The following A1CF variants were observed in gnomAD, a reference collection of about 807,000 sequenced individuals.
The protein encoded by A1CF is APOBEC1 complementation factor.
In A1CF, 48 loss-of-function variants were observed where a neutral mutation model predicts 68.9. That is an observed-to-expected ratio of 0.70 (90% confidence interval 0.55 to 0.89). The LOEUF is 0.89. Among genes scored for constraint, A1CF ranks in the 40% least tolerant of loss-of-function variants. The pLI, the probability that A1CF is intolerant of heterozygous loss-of-function variation, is 0.00. For missense variants in A1CF, 653 were observed against 718.9 expected, an observed-to-expected ratio of 0.91 and a Z score of 1.05; for synonymous variants, 272 against 260.4, an observed-to-expected ratio of 1.04 and a Z score of -0.43.
intron 6 of A1CF, among the ~76,000 whole-genome samples, chr10:50,832,227 G>A (rs141642034): frequency 6.6e-6 from 1 of 152,134 alleles, no homozygotes; most frequent in Non-Finnish European, 1.5e-5. Context: ...AGTTAAAGTC[G>A]CATTGGTAGC....
chr10:50,865,673 G>T (rs2132553406), intron 1 of A1CF, among the ~76,000 whole-genome samples: 1 of 152,180 alleles, frequency 6.6e-6, no homozygotes, highest in South Asian at 2.1e-4. Context: ...TCTCTGCTTG[G>T]AATCTCTTTT....
intron 7 of A1CF, chr10:50,824,577 A>T (rs1838831233): frequency 6.6e-6 from 1 of 152,076 alleles, no homozygotes; most frequent in Non-Finnish European, 1.5e-5. Flanking sequence ...TCAAAGCTGT[A>T]TTTTTCTGGA....
At chr10:50,860,088 C>A in intron 2 of A1CF, 103 bp from the exon 3 acceptor site, 1 of 626,534 alleles carries the variant, frequency 1.6e-6, no homozygotes, top group Non-Finnish European at 2.8e-6. Context: ...GTAAATGCGT[C>A]ATTAAAGTTA....
intron 2 of A1CF, among the ~76,000 whole-genome samples, chr10:50,863,408 T>G (rs1840836995): frequency 6.6e-6 from 1 of 152,200 alleles, no homozygotes; most frequent in African/African-American, 2.4e-5. Context: ...AAAGAATAGT[T>G]CTTAAAGTAT....
chr10:50,864,386 G>A (rs903486827), intron 1 of A1CF, among the ~76,000 whole-genome samples: 1 of 152,124 alleles, frequency 6.6e-6, no homozygotes, highest in African/African-American at 2.4e-5. Context: ...ACTCCTCCTT[G>A]TATAATTTCC....
intron 5 of A1CF, among the ~76,000 whole-genome samples, chr10:50,840,524 A>G (rs1376331831): frequency 1.3e-5 from 2 of 152,224 alleles, no homozygotes; most frequent in Non-Finnish European, 2.9e-5. Context: ...CCTTTAAGAA[A>G]GAATTTATGA....
chr10:50,822,506 C>T (rs904016444), intron 7 of A1CF, among the ~76,000 whole-genome samples: 5 of 152,132 alleles, frequency 3.3e-5, no homozygotes, highest in African/African-American at 1.2e-4. Context: ...CCACGTGGTT[C>T]AATGACTAAG....
In A1CF at chr10:50,836,185, C is replaced by T. The variant is rs373946729; in HGVS notation, c.493G>A (p.Asp165Asn). 18 of 1,613,852 alleles carry T rather than the reference C, an allele frequency of 1.1e-5. No homozygotes were observed. The highest frequency in any genetic ancestry group is 6.7e-5 in the African/African-American group (5 of 74,916). ...GCAGCGCTTGGGTAGACGATGACAT[C>T]GACAACACCTTCAGTAACCTTTTTC... The part of the protein sequence containing the change: ...EMKKVTEGVV[D>N]VIVYPSAADK... The change falls in exon 6 of 13, where the codon GAT (aspartate) becomes AAT (asparagine). Residue 165 changes from aspartate (D) to asparagine (N), a missense_variant. By Grantham distance (23) the Asp-to-Asn change is conservative (BLOSUM62 1). Coordinates refer to ENST00000373997, the MANE Select transcript of A1CF (RefSeq NM_014576.4).
chr10:50,818,404 C>G (rs1588973307), intron 8 of A1CF, among the ~76,000 whole-genome samples: 1 of 151,694 alleles, frequency 6.6e-6, no homozygotes. Flanking sequence ...ACATTATAGT[C>G]AAATATAATA....
intron 1 of A1CF, among the ~76,000 whole-genome samples, chr10:50,876,457 G>T (rs1223879970): frequency 2.6e-5 from 4 of 152,204 alleles, no homozygotes; most frequent in Non-Finnish European, 5.9e-5. Context: ...ACCCCAAAAA[G>T]ATCTTGGAAA....
At chr10:50,871,284 C>A (rs952569118) in intron 1 of A1CF, among the ~76,000 whole-genome samples, 2 of 151,484 alleles carry the variant, frequency 1.3e-5, no homozygotes, top group African/African-American at 2.4e-5. Flanking sequence ...ATAATAAGGT[C>A]TAAACAATAG....
Position 50,816,114 on chromosome 10 carries a change from G to A in A1CF, c.1033C>T (p.Pro345Ser). 6.2e-7 allele frequency: 1 copy of A among 1,613,842 alleles called. No homozygotes were observed. Among genetic ancestry groups the A allele is most frequent in the Non-Finnish European group, 8.5e-7 (1 of 1,179,886 alleles). Residue 345 changes from proline to serine, a missense_variant, in exon 9 of 13, where the codon CCT becomes TCT. Pro to Ser is a moderately conservative substitution (Grantham distance 74). Coordinates refer to ENST00000373997, the MANE Select transcript of A1CF (RefSeq NM_014576.4). Reference sequence around the variant, plus strand: ...TAGGTCTGGGGGGCATAGAAGACAGGAGCTCCAAGGTAGGTTGTGGTGGGA... The same window carrying A: ...TAGGTCTGGGGGGCATAGAAGACAGAAGCTCCAAGGTAGGTTGTGGTGGGA... ...YDPTTTYLGA[P>S]VFYAPQTYAA...
rs901964079 is a variant in A1CF, at chr10:50,864,044, A to G, written c.-57T>C. On this transcript the variant is annotated 5_prime_UTR_variant, in exon 2 of 13. Coordinates refer to ENST00000373997, the MANE Select transcript of A1CF (RefSeq NM_014576.4). ...TATAGTATACTTACATAATTTTTGTAGAGAAAATCCACAGGTTTTTGGCAC... is the reference window on the plus strand; with the variant it reads ...TATAGTATACTTACATAATTTTTGTGGAGAAAATCCACAGGTTTTTGGCAC... 2 of 152,220 alleles carry G rather than the reference A, an allele frequency of 1.3e-5. No homozygotes were observed. The highest frequency in any genetic ancestry group is 1.5e-5 in the Non-Finnish European group (1 of 68,040). 9.4% of individuals were successfully genotyped at this position (152,220 alleles called of 1,614,324 possible). A position where few individuals can be genotyped will look rare whatever the true frequency, so the allele number is the denominator to read the frequency against.
Position 50,803,629 on chromosome 10 carries a change from A to AT in A1CF, c.*3099dup, listed in dbSNP as rs1837702705. 6.6e-6 allele frequency: 1 copy of AT among 152,232 alleles called. No individual in the cohort carries two copies. The allele number at this position is 152,232 out of a possible 1,614,324, so 9.4% of individuals were successfully genotyped here. On this transcript the variant is annotated 3_prime_UTR_variant, in exon 13 of 13. Transcript: ENST00000373997. ...AGGCAGCACTTTTATAGGAAAGAAAATAGATACCCAATCCCATTGCTGATC... is the reference window on the plus strand; with the variant it reads ...AGGCAGCACTTTTATAGGAAAGAAAATTAGATACCCAATCCCATTGCTGATC...
intron 1 of A1CF, among the ~76,000 whole-genome samples, chr10:50,873,656 G>C (rs1264442039): frequency 2.6e-5 from 4 of 152,182 alleles, no homozygotes; most frequent in African/African-American, 9.7e-5. Flanking sequence ...GAGGAGTAAT[G>C]CTGATACAAC....
chr10:50,830,644 A>G (rs1308595906), intron 6 of A1CF, among the ~76,000 whole-genome samples: 1 of 152,188 alleles, frequency 6.6e-6, no homozygotes, highest in Non-Finnish European at 1.5e-5. Flanking sequence ...AAAATATCCT[A>G]TGTTCATGGA....
At chr10:50,810,909 T>C in intron 11 of A1CF, 131 bp downstream of exon 11, 2 of 1,097,084 alleles carry the variant, frequency 1.8e-6, no homozygotes, top group Non-Finnish European at 2.5e-6. Context: ...ACTACACATC[T>C]CAATATTTGC....
chr10:50,826,898 C>T (rs1476426527), intron 7 of A1CF, among the ~76,000 whole-genome samples: 2 of 152,138 alleles, frequency 1.3e-5, no homozygotes, highest in Non-Finnish European at 2.9e-5. Context: ...ATCTCACATG[C>T]AGAGACACAC....
At chr10:50,856,880 T>C (rs1159045249) in intron 3 of A1CF, among the ~76,000 whole-genome samples, 2 of 152,124 alleles carry the variant, frequency 1.3e-5, no homozygotes, top group Non-Finnish European at 2.9e-5. Flanking sequence ...ATTGGCCATA[T>C]ATTTTAGGAG....
Sources: gnomAD v4.1 joint callset for allele counts (sites outside exome capture counted in the v4.1 genomes callset) on GRCh38, gnomAD v4.1.1 for gene constraint, MANE v1.5 for transcripts, NCBI Gene and HGNC (gene_info 2026-07-23, HGNC 2026-07-21) for gene names.